The following BICRA variants were observed in gnomAD, a reference collection of about 807,000 sequenced individuals.
BICRA encodes BRD4 interacting chromatin remodeling complex associated protein, also known as BRD4-interacting chromatin-remodeling complex-associated protein.
A neutral mutation model predicts 96.9 loss-of-function variants in BICRA; 31 were observed. The ratio of observed to expected loss-of-function variants is 0.32; its 90% confidence interval spans 0.24 to 0.43. BICRA has a LOEUF of 0.43. Among genes scored for constraint, BICRA ranks in the 20% least tolerant of loss-of-function variants. BICRA has a pLI of 1.00. For synonymous variants in BICRA, 1,350 were observed against 1,071.8 expected, an observed-to-expected ratio of 1.26 and a Z score of -5.07; for missense variants, 2,283 against 2,190.3, an observed-to-expected ratio of 1.04 and a Z score of -0.84.
chr19:47,639,700 G>A (rs1376022508), intron 1 of BICRA, among the ~76,000 whole-genome samples: 1 of 143,440 alleles, frequency 7.0e-6, no homozygotes, highest in African/African-American at 2.6e-5. Flanking sequence ...AGTACAGTGT[G>A]GCACCATCAT....
At chr19:47,673,115 C>T (rs1483748934) in intron 2 of BICRA, among the ~76,000 whole-genome samples, 1 of 152,140 alleles carries the variant, frequency 6.6e-6, no homozygotes, top group Non-Finnish European at 1.5e-5. Context: ...GGCAGGACAG[C>T]AGGGTGGTGA....
rs748485176 is a variant in BICRA at position 47,680,638 on chromosome 19, C to T, written c.1468C>T (p.Pro490Ser). 4 of 1,609,770 alleles carry T rather than the reference C, an allele frequency of 2.5e-6. No individual in the cohort carries two copies. Among genetic ancestry groups the T allele is most frequent in the Non-Finnish European group, 3.4e-6 (4 of 1,178,330 alleles). ...GCTCCCGCAGCAGCTCTCAGCCCTG[C>T]CGGCCAACGTGGGCGGGCAGATCCT... ...VQLPQQLSAL[P>S]ANVGGQILAA... The change falls in exon 6 of 15, where the codon CCG becomes TCG. Residue 490 changes from proline to serine, a missense_variant. By Grantham distance (74) the Pro-to-Ser change is moderately conservative. Coordinates refer to ENST00000594866, the MANE Select transcript of BICRA (RefSeq NM_001394372.1).
intron 7 of BICRA, among the ~76,000 whole-genome samples, chr19:47,685,766 T>C (rs1226050061): frequency 3.8e-5 from 5 of 132,268 alleles, no homozygotes; most frequent in African/African-American, 1.2e-4. Flanking sequence ...TGTGTGTGTG[T>C]GTGTGTGTGT....
intron 7 of BICRA, among the ~76,000 whole-genome samples, chr19:47,685,392 G>A (rs1226210237): frequency 1.3e-5 from 2 of 152,184 alleles, no homozygotes; most frequent in African/African-American, 2.4e-5. Flanking sequence ...AGGGCCCTCC[G>A]CAGTAGCTGT....
chr19:47,693,961 A>T (rs2914428), intron 7 of BICRA, among the ~76,000 whole-genome samples, 154 bp from the exon 8 acceptor site: 3 of 151,604 alleles, frequency 2.0e-5, no homozygotes, highest in Non-Finnish European at 2.9e-5. Flanking sequence ...GAGGGAGGGA[A>T]GGGCAGCCGT....
chr19:47,695,471 G>A lies in BICRA; in HGVS notation c.3183G>A (p.Leu1061=). ...CCGGGCCAGGGAAGCCCTCCGGGCTGCAGGTAAGGGGCCCTTAGAGCAGGG... is the reference window on the plus strand; with the variant it reads ...CCGGGCCAGGGAAGCCCTCCGGGCTACAGGTAAGGGGCCCTTAGAGCAGGG... ...ASSGPGKPSG[L]QYESKLSGLK... is the part of the protein sequence containing the mutation. The change falls in exon 10 of 15, where the codon CTG becomes CTA. Residue 1061 remains leucine (L), a synonymous_variant. Transcript: ENST00000594866. The A allele has an allele frequency of 6.8e-7, 1 of 1,477,888 alleles. No homozygotes were observed. The highest frequency in any genetic ancestry group is 9.3e-7 in the Non-Finnish European group (1 of 1,070,278). The allele number at this position is 1,477,888 out of a possible 1,614,324, so 91.5% of individuals were successfully genotyped here. A position where few individuals can be genotyped will look rare whatever the true frequency, so the allele number is the denominator to read the frequency against.
At chr19:47,632,924 C>T (rs531941220) in intron 1 of BICRA, among the ~76,000 whole-genome samples, 1 of 152,164 alleles carries the variant, frequency 6.6e-6, no homozygotes, top group South Asian at 2.1e-4. Context: ...GCAGAGTCTG[C>T]CTCCCGAAGT....
At chr19:47,638,484 C>T (rs908466668) in intron 1 of BICRA, among the ~76,000 whole-genome samples, 1 of 152,194 alleles carries the variant, frequency 6.6e-6, no homozygotes, top group African/African-American at 2.4e-5. Flanking sequence ...CAACTCCCAG[C>T]CACCTATACC....
At chr19:47,694,771 C>T (rs1599865743) in intron 8 of BICRA, 45 bp downstream of exon 8, 1 of 901,816 alleles carries the variant, frequency 1.1e-6, no homozygotes, top group Non-Finnish European at 1.7e-6. Context: ...CCCATCCCAT[C>T]CCACCCTCTC....
At chr19:47,629,298 C>T (rs992761371) in intron 1 of BICRA, among the ~76,000 whole-genome samples, 15 of 152,194 alleles carry the variant, frequency 9.9e-5, no homozygotes, top group Non-Finnish European at 2.1e-4. Context: ...CCACCACACC[C>T]GGCGTCCAAC....
chr19:47,690,248 C>T (rs2914434), intron 7 of BICRA, among the ~76,000 whole-genome samples: 46 of 152,104 alleles, frequency 3.0e-4, no homozygotes, highest in African/African-American at 8.9e-4. Context: ...GTGATCCACC[C>T]GCCTCAGCCT....
At position 47,630,141 on chromosome 19, in the gene BICRA, T is replaced by C. The variant is rs150738135; in HGVS notation, c.-108+20973T>C. On this transcript the variant is annotated intron_variant, in intron 1 of 14. Transcript: ENST00000594866. Reference sequence around the variant, plus strand: ...GCACCTCGTTACCTCTATTCTACTCTCTATATATTGGCCAATTCTTTTTTT... The same window carrying C: ...GCACCTCGTTACCTCTATTCTACTCCCTATATATTGGCCAATTCTTTTTTT... Among the ~76,000 whole-genome samples the C allele has an allele frequency of 1.8e-3, 269 of 149,354 alleles. 1 individual carries two copies. Among genetic ancestry groups the C allele is most frequent in the Middle Eastern group, 6.9e-3 (2 of 290 alleles).
intron 4 of BICRA, 40 bp downstream of exon 4, chr19:47,673,802 G>A: frequency 6.4e-7 from 1 of 1,555,734 alleles, no homozygotes; most frequent in Non-Finnish European, 8.9e-7. Context: ...CTGAGTGGGG[G>A]GCTGTCTAAT....
Position 47,679,685 on chromosome 19 carries a change from C to G in BICRA, c.515C>G (p.Pro172Arg), listed in dbSNP as rs1599846930. Residue 172 changes from proline (P) to arginine (R), a missense_variant, in exon 6 of 15, where the codon CCG becomes CGG. Physicochemically the swap from Pro to Arg is moderately radical, Grantham distance 103. Transcript: ENST00000594866. Reference sequence around the variant, plus strand: ...ACCGACCTGCTGGGGCTGCAGGGCCCGCCTACCGTGCTGACCCACCAGGCC... The same window carrying G: ...ACCGACCTGCTGGGGCTGCAGGGCCGGCCTACCGTGCTGACCCACCAGGCC... ...GSTDLLGLQG[P>R]PTVLTHQALV... 3.3e-6 allele frequency: 5 copies of G among 1,524,984 alleles called. No individual in the cohort carries two copies. The highest frequency in any genetic ancestry group is 4.4e-6 in the Non-Finnish European group (5 of 1,138,114). 94.5% of individuals were successfully genotyped at this position (1,524,984 alleles called of 1,614,324 possible).
Position 47,651,006 on chromosome 19 carries a change from T to A in BICRA, c.-107-19437T>A, listed in dbSNP as rs556717637. On this transcript the variant is annotated intron_variant, in intron 1 of 14. Transcript: ENST00000594866. ...TCCCTTACACTCCTTGGCCAATCCATCTGCAAACCCTCTTGCTCTGCTATT... is the reference window on the plus strand; with the variant it reads ...TCCCTTACACTCCTTGGCCAATCCAACTGCAAACCCTCTTGCTCTGCTATT... Among the ~76,000 whole-genome samples, 5 of 152,232 alleles carry A rather than the reference T, an allele frequency of 3.3e-5. No individual in the cohort carries two copies. In the East Asian group the frequency reaches 9.7e-4, roughly 30 times the overall value.
In BICRA at chr19:47,701,629, C is replaced by G; in HGVS notation, c.3897C>G (p.Thr1299=). ...CCCGCAACCGCCCGCCCATCAAGAC[C>G]TACGAGGCCCGGAGCCGCATCGGGC... The part of the protein sequence containing the change: ...MPSRNRPPIK[T]YEARSRIGLK... The change falls in exon 15 of 15, where the codon ACC becomes ACG. Residue 1299 remains threonine (T), a synonymous_variant. Transcript: ENST00000594866. This position sits in a 1 kb window ranked among gnomAD's most constrained non-coding sequence, Gnocchi z 5.4. The G allele has an allele frequency of 6.3e-7, 1 of 1,579,624 alleles. No individual in the cohort carries two copies. Among genetic ancestry groups the G allele is most frequent in the South Asian group, 1.2e-5 (1 of 86,484 alleles).
At chr19:47,665,881 C>T (rs902557117) in intron 1 of BICRA, among the ~76,000 whole-genome samples, 1 of 152,186 alleles carries the variant, frequency 6.6e-6, no homozygotes, top group Non-Finnish European at 1.5e-5. Context: ...TTAACCCTTC[C>T]AGATACACAC....
intron 1 of BICRA, among the ~76,000 whole-genome samples, chr19:47,616,733 T>G (rs1971990674): frequency 6.6e-6 from 1 of 152,102 alleles, no homozygotes; most frequent in Admixed American, 6.5e-5. Flanking sequence ...TTGTGACGCT[T>G]CAATGAGTGA....
intron 1 of BICRA, among the ~76,000 whole-genome samples, chr19:47,631,195 C>T (rs1972217163): frequency 6.6e-6 from 1 of 152,050 alleles, no homozygotes; most frequent in Non-Finnish European, 1.5e-5. Flanking sequence ...GCTGGGACTA[C>T]AGATGTGCAC....
Sources: allele counts gnomAD v4.1 joint callset (sites outside exome capture counted in the v4.1 genomes callset), GRCh38; gene constraint gnomAD v4.1.1; non-coding constraint Gnocchi (gnomAD v3.1); transcripts MANE v1.5; gene names NCBI Gene and HGNC (gene_info 2026-07-23, HGNC 2026-07-21).